Variants in MYRIP observed in about 807,000 individuals in gnomAD.
The protein encoded by MYRIP is myosin VIIA and Rab interacting protein, also known as rab effector MyRIP.
A neutral mutation model predicts 98.0 loss-of-function variants in MYRIP; 49 were observed. That is an observed-to-expected ratio of 0.50 (90% confidence interval 0.40 to 0.63). The LOEUF (loss-of-function observed/expected upper bound fraction) is 0.63, where lower values mean the gene tolerates loss of function less well. MYRIP is among the 30% of genes least tolerant of loss of function. The probability of loss-of-function intolerance (pLI) is 0.00; values close to 1 mark genes in which losing one functional copy is unlikely to be tolerated. For synonymous variants in MYRIP, 404 were observed against 409.5 expected (o/e 0.99, Z 0.16); for missense variants, 1,004 against 1,058.2 (o/e 0.95, Z 0.71).
rs1322690569 is a variant in MYRIP at position 39,809,856 on chromosome 3, C to T, written c.-91C>T. The T allele has an allele frequency of 1.3e-5, 2 of 152,324 alleles. No homozygotes were observed. The allele number at this position is 152,324 out of a possible 1,614,324, so 9.4% of individuals were successfully genotyped here. ...CCCTGGGCGTACTGAGGCGCGGTGG[C>T]CTGAGCCCGGCCGCCATCGATGACC... On this transcript the variant is annotated 5_prime_UTR_variant, in exon 1 of 17. Transcript: ENST00000302541.
intron 10 of MYRIP, among the ~76,000 whole-genome samples, chr3:40,194,564 C>T (rs1343563187): frequency 1.3e-5 from 2 of 151,824 alleles, no homozygotes; most frequent in Non-Finnish European, 2.9e-5. Flanking sequence ...TTTTCTCAGT[C>T]CTTCACTTAA....
intron 12 of MYRIP, among the ~76,000 whole-genome samples, chr3:40,237,080 G>A (rs769656042): frequency 3.6e-4 from 55 of 152,162 alleles, no homozygotes; most frequent in African/African-American, 1.3e-3. Context: ...ACTTTGGGAG[G>A]CCAAGATGGG....
chr3:39,904,853 A>G (rs891909194), intron 2 of MYRIP, among the ~76,000 whole-genome samples: 1 of 152,152 alleles, frequency 6.6e-6, no homozygotes, highest in African/African-American at 2.4e-5. Context: ...TGGGGATGTG[A>G]TGCATTGAAT....
chr3:40,161,977 T>C (rs1403940961), intron 4 of MYRIP, among the ~76,000 whole-genome samples: 1 of 152,098 alleles, frequency 6.6e-6, no homozygotes, highest in African/African-American at 2.4e-5. Context: ...GCTTTTCCTC[T>C]CTGCAGCCCT....
chr3:39,859,538 C>T (rs1434488763), intron 1 of MYRIP, among the ~76,000 whole-genome samples: 2 of 152,174 alleles, frequency 1.3e-5, no homozygotes, highest in African/African-American at 2.4e-5. Context: ...GCTAACATTA[C>T]ATGGATACTA....
In MYRIP at chr3:39,950,667, C is replaced by T. The variant is rs142617997; in HGVS notation, c.110+49741C>T. On this transcript the variant is annotated intron_variant, in intron 2 of 16. Transcript: ENST00000302541. ...AGCTTCTTCACAGCGTGATGGCCTC[C>T]GGATTCCAAGAAGAACATGAGTAGA... Among the ~76,000 whole-genome samples the T allele has an allele frequency of 1.9e-4, 29 of 152,214 alleles. No homozygotes were observed. The East Asian group carries it at 2.5e-3, about 13-fold the overall frequency.
At chr3:40,105,011 C>T (rs1308479404) in intron 3 of MYRIP, among the ~76,000 whole-genome samples, 1 of 152,044 alleles carries the variant, frequency 6.6e-6, no homozygotes, top group Non-Finnish European at 1.5e-5. Flanking sequence ...ATTTTCATGA[C>T]AACATTTTCC....
intron 2 of MYRIP, among the ~76,000 whole-genome samples, chr3:39,987,880 A>G (rs1044258606): frequency 6.6e-6 from 1 of 152,186 alleles, no homozygotes; most frequent in African/African-American, 2.4e-5. Flanking sequence ...TTGTGGCACT[A>G]TTCACAATAG....
At chr3:39,985,720 T>C (rs1946015703) in intron 2 of MYRIP, among the ~76,000 whole-genome samples, 1 of 151,530 alleles carries the variant, frequency 6.6e-6, no homozygotes, top group African/African-American at 2.4e-5. Context: ...GGATTCCCTA[T>C]TTAATAAATG....
intron 3 of MYRIP, among the ~76,000 whole-genome samples, chr3:40,132,502 GC>G (rs1949665369): frequency 6.6e-6 from 1 of 152,226 alleles, no homozygotes; most frequent in Non-Finnish European, 1.5e-5. Context: ...TTCTCCAGAA[GC>G]CCAAGAGCTC....
At chr3:40,004,784 T>C (rs946235316) in intron 2 of MYRIP, among the ~76,000 whole-genome samples, 2 of 152,182 alleles carry the variant, frequency 1.3e-5, no homozygotes, top group Non-Finnish European at 2.9e-5. Flanking sequence ...TCCAATTCCA[T>C]CCAGGTTGCT....
At chr3:40,179,509 A>C (rs549936638) in intron 8 of MYRIP, among the ~76,000 whole-genome samples, 16 of 152,314 alleles carry the variant, frequency 1.1e-4, no homozygotes, top group African/African-American at 3.6e-4. Flanking sequence ...TGCAAAAATG[A>C]AATATTAAGT....
intron 2 of MYRIP, among the ~76,000 whole-genome samples, chr3:39,972,994 A>G (rs1945633847): frequency 6.6e-6 from 1 of 152,046 alleles, no homozygotes; most frequent in Non-Finnish European, 1.5e-5. Context: ...TGCTAAATAA[A>G]TAGAGAATGT....
chr3:39,869,223 C>G lies in MYRIP; in HGVS notation c.-30-31564C>G, dbSNP rs1352977604. Among the ~76,000 whole-genome samples the G allele has an allele frequency of 2.0e-5, 3 of 152,176 alleles. No homozygotes were observed. In the East Asian group the frequency reaches 5.8e-4, roughly 29 times the overall value. On this transcript the variant is annotated intron_variant, in intron 1 of 16. Coordinates refer to ENST00000302541, the MANE Select transcript of MYRIP (RefSeq NM_015460.4). ...TTTCGGTGTGCTTGATGACCTTCCA[C>G]AAGTTTCTGAGACTCTCTTCATTCT...
rs1336711246 is a variant in MYRIP at position 39,875,647 on chromosome 3, A to G, written c.-30-25140A>G. 2.8e-3 allele frequency among the ~76,000 whole-genome samples: 417 copies of G among 149,076 alleles called. 1 individual carries two copies. The highest frequency in any genetic ancestry group is 9.0e-3 in the African/African-American group (357 of 39,464). On this transcript the variant is annotated intron_variant, in intron 1 of 16. Coordinates refer to ENST00000302541, the MANE Select transcript of MYRIP (RefSeq NM_015460.4). ...TTGTTCAGTTTCCATGTAGTTGAGCAGTTTTGAGTGAGTTTCTTAATCCTG... is the reference window on the plus strand; with the variant it reads ...TTGTTCAGTTTCCATGTAGTTGAGCGGTTTTGAGTGAGTTTCTTAATCCTG...
chr3:40,042,288 T>TAA lies in MYRIP; in HGVS notation c.111-1742_111-1741dup, dbSNP rs66600615. 1.1e-3 allele frequency among the ~76,000 whole-genome samples: 126 copies of TAA among 112,234 alleles called. 1 individual carries two copies. Among genetic ancestry groups the TAA allele is most frequent in the African/African-American group, 2.4e-3 (70 of 29,568 alleles). The allele number at this position is 112,234 out of a possible 152,430, so 73.6% of individuals were successfully genotyped here. ...AAGCATATAATAAAGACTGGAAGGA[T>TAA]AAAAAAAAAAAAAAAAAAAAAGAGA... On this transcript the variant is annotated intron_variant, in intron 2 of 16. Transcript: ENST00000302541.
At chr3:39,932,224 G>A (rs1944555044) in intron 2 of MYRIP, among the ~76,000 whole-genome samples, 1 of 152,148 alleles carries the variant, frequency 6.6e-6, no homozygotes, top group Non-Finnish European at 1.5e-5. Context: ...CTTACCTGGT[G>A]ATGGAAAGAG....
chr3:39,852,367 C>T (rs1324700565), intron 1 of MYRIP, among the ~76,000 whole-genome samples: 2 of 152,192 alleles, frequency 1.3e-5, no homozygotes, highest in Non-Finnish European at 2.9e-5. Context: ...AGGCCTCAGC[C>T]TGTGGCCCTG....
intron 10 of MYRIP, among the ~76,000 whole-genome samples, chr3:40,192,195 G>A (rs1951233135): frequency 6.7e-6 from 1 of 149,026 alleles, no homozygotes; most frequent in Admixed American, 6.7e-5. Context: ...GGGCTCAAAC[G>A]ATCCTTCTAC....
Sources: gnomAD v4.1 joint callset for allele counts (sites outside exome capture counted in the v4.1 genomes callset) on GRCh38, gnomAD v4.1.1 for gene constraint, MANE v1.5 for transcripts, NCBI Gene and HGNC (gene_info 2026-07-23, HGNC 2026-07-21) for gene names.